The following RALYL variants were observed in gnomAD, a reference collection of about 807,000 sequenced individuals.
RALYL encodes RALY RNA binding protein like.
A neutral mutation model predicts 35.1 loss-of-function variants in RALYL; 29 were observed. The observed-to-expected ratio is 0.83, with a 90% confidence interval of 0.61 to 1.13. The LOEUF (loss-of-function observed/expected upper bound fraction) is 1.13. Among genes scored for constraint, RALYL ranks in the 50% most tolerant of loss-of-function variants. The probability of loss-of-function intolerance (pLI) is 0.00; values close to 1 mark genes in which losing one functional copy is unlikely to be tolerated. For synonymous variants in RALYL, 120 were observed against 127.6 expected (o/e 0.94, Z 0.40); for missense variants, 359 against 360.4 (o/e 1.00, Z 0.03).
intron 2 of RALYL, chr8:84,706,009 C>G: frequency 6.5e-7 from 1 of 1,535,072 alleles, no homozygotes; most frequent in Non-Finnish European, 8.7e-7. Context: ...CTTAGAAAGT[C>G]TAATTTTTTT....
chr8:84,292,062 G>T (rs1391215608), intron 1 of RALYL, among the ~76,000 whole-genome samples: 2 of 151,758 alleles, frequency 1.3e-5, no homozygotes, highest in Admixed American at 6.6e-5. Flanking sequence ...GGTATAAAAA[G>T]TCAGGCTTGC....
intron 1 of RALYL, among the ~76,000 whole-genome samples, chr8:84,372,886 GTTTTTTTTTTTTTT>G (rs76885544): frequency 2.6e-4 from 10 of 39,074 alleles, no homozygotes; most frequent in African/African-American, 7.7e-4. Flanking sequence ...GCCAGCATCT[GTTTTTTTTTTTTTT>G]TTTTTTTTTT....
intron 1 of RALYL, among the ~76,000 whole-genome samples, chr8:84,400,496 T>C (rs1333786854): frequency 2.0e-5 from 3 of 152,130 alleles, no homozygotes; most frequent in Non-Finnish European, 2.9e-5. Flanking sequence ...GCACATTAAT[T>C]GAAGGGGCCA....
intron 2 of RALYL, among the ~76,000 whole-genome samples, chr8:84,563,703 T>A (rs923334325): frequency 4.6e-5 from 7 of 151,850 alleles, no homozygotes; most frequent in African/African-American, 7.2e-5. Context: ...AAGATAATGT[T>A]TTAAAAAGAT....
At chr8:84,398,341 C>A (rs1454646130) in intron 1 of RALYL, among the ~76,000 whole-genome samples, 1 of 151,668 alleles carries the variant, frequency 6.6e-6, no homozygotes, top group Non-Finnish European at 1.5e-5. Context: ...CATTATTAAT[C>A]TCTTTTTTTC....
At chr8:84,891,391 A>G (rs1313873189) in intron 8 of RALYL, among the ~76,000 whole-genome samples, 2 of 152,166 alleles carry the variant, frequency 1.3e-5, no homozygotes, top group Non-Finnish European at 1.5e-5. Context: ...GAAATTTCAA[A>G]AACCATTCTG....
chr8:84,742,899 A>G (rs964782271), intron 2 of RALYL, among the ~76,000 whole-genome samples: 1 of 152,010 alleles, frequency 6.6e-6, no homozygotes, highest in Non-Finnish European at 1.5e-5. Context: ...TAAGGGGAAC[A>G]ATAGTTGAAA....
intron 4 of RALYL, among the ~76,000 whole-genome samples, chr8:84,827,932 T>A (rs970004099): frequency 3.9e-5 from 6 of 152,116 alleles, no homozygotes; most frequent in Admixed American, 3.9e-4. Flanking sequence ...TTTACTGACA[T>A]AGAACTATAT....
chr8:84,185,171 T>C (rs903992793), intron 1 of RALYL: 13 of 759,412 alleles, frequency 1.7e-5, no homozygotes, highest in Non-Finnish European at 3.0e-5. Context: ...TATAAGATGA[T>C]CACTTGGGTT....
intron 1 of RALYL, among the ~76,000 whole-genome samples, chr8:84,372,886 GTTTTTTTTTTTTTTT>G (rs76885544): frequency 2.6e-5 from 1 of 39,064 alleles, no homozygotes; most frequent in African/African-American, 1.1e-4. Flanking sequence ...GCCAGCATCT[GTTTTTTTTTTTTTTT>G]TTTTTTTTTT....
intron 1 of RALYL, among the ~76,000 whole-genome samples, chr8:84,528,317 G>T (rs1435922127): frequency 6.6e-6 from 1 of 151,886 alleles, no homozygotes; most frequent in Non-Finnish European, 1.5e-5. Context: ...GACAAAAAAT[G>T]GGTTGTTAGC....
Position 84,702,346 on chromosome 8 carries a change from T to C in RALYL, c.257-72233T>C, listed in dbSNP as rs769584595. Among the ~76,000 whole-genome samples the C allele has an allele frequency of 4.6e-4, 70 of 152,282 alleles. 1 individual carries two copies. Among genetic ancestry groups the C allele is most frequent in the Admixed American group, 3.1e-3 (48 of 15,294 alleles). ...TCAGCCCTAAATCATATTGGCCTAG[T>C]TCCTGGTAAAATGCTCTCAACACAA... On this transcript the variant is annotated intron_variant, in intron 2 of 8. Coordinates refer to ENST00000521268, the MANE Select transcript of RALYL (RefSeq NM_173848.7).
At chr8:84,330,245 A>T (rs1440935826) in intron 1 of RALYL, among the ~76,000 whole-genome samples, 1 of 152,084 alleles carries the variant, frequency 6.6e-6, no homozygotes, top group African/African-American at 2.4e-5. Context: ...AGTAGTAGCT[A>T]GGGCACATAA....
chr8:84,573,970 T>C (rs1172147089), intron 2 of RALYL, among the ~76,000 whole-genome samples: 1 of 152,118 alleles, frequency 6.6e-6, no homozygotes, highest in East Asian at 1.9e-4. Flanking sequence ...CTAAGATCTT[T>C]TTCTACTAAC....
At chr8:84,388,242 T>C (rs1859711566) in intron 1 of RALYL, among the ~76,000 whole-genome samples, 1 of 152,174 alleles carries the variant, frequency 6.6e-6, no homozygotes, top group Admixed American at 6.6e-5. Flanking sequence ...CAGTCTATCA[T>C]TGTTGGACAT....
At chr8:84,530,894 C>T (rs561278920) in intron 2 of RALYL, among the ~76,000 whole-genome samples, 6 of 152,244 alleles carry the variant, frequency 3.9e-5, no homozygotes, top group Non-Finnish European at 7.4e-5. Flanking sequence ...AAGATTGTTC[C>T]TACTTCAGAG....
intron 8 of RALYL, among the ~76,000 whole-genome samples, chr8:84,905,418 A>G (rs1414994458): frequency 6.6e-6 from 1 of 152,062 alleles, no homozygotes; most frequent in Non-Finnish European, 1.5e-5. Context: ...CCTAATTTCA[A>G]TTTCTTTGGA....
At chr8:84,285,642 T>C (rs973250205) in intron 1 of RALYL, among the ~76,000 whole-genome samples, 3 of 152,034 alleles carry the variant, frequency 2.0e-5, no homozygotes, top group African/African-American at 7.2e-5. Context: ...AGAAGAGTTA[T>C]AGGGATATCT....
rs540839125 is a variant in RALYL, at chr8:84,535,729, CT to C, written c.256+6153del. Among the ~76,000 whole-genome samples the C allele has an allele frequency of 1.9e-3, 285 of 151,874 alleles. 2 individuals are homozygous for C. The highest frequency in any genetic ancestry group is 0.017 in the Admixed American group (253 of 15,222). On this transcript the variant is annotated intron_variant, in intron 2 of 8. Coordinates refer to ENST00000521268, the MANE Select transcript of RALYL (RefSeq NM_173848.7). ...GGCCTCGTGATCCGCCCACCTCGGC[CT>C]CCCAAAGTGCTGGATTACAGGCGTG...
Sources: allele counts gnomAD v4.1 joint callset (sites outside exome capture counted in the v4.1 genomes callset), GRCh38; gene constraint gnomAD v4.1.1; transcripts MANE v1.5; gene names NCBI Gene and HGNC (gene_info 2026-07-23, HGNC 2026-07-21).